The following SV2C variants were observed in gnomAD, a reference collection of about 807,000 sequenced individuals.
SV2C encodes solute carrier family 22 member B3.
SV2C carries 49 observed loss-of-function variants against 79.7 expected under a neutral mutation model. That is an observed-to-expected ratio of 0.61 (90% CI 0.49 to 0.78). The LOEUF is 0.78. SV2C is among the 30% of genes least tolerant of loss of function. The pLI is 0.00. For synonymous variants in SV2C, 334 were observed against 333.2 expected, an observed-to-expected ratio of 1.00 and a Z score of -0.03; for missense variants, 833 against 912.9, an observed-to-expected ratio of 0.91 and a Z score of 1.13.
At chr5:76,158,955 AT>A (rs1742819761) in intron 2 of SV2C, among the ~76,000 whole-genome samples, 1 of 152,042 alleles carries the variant, frequency 6.6e-6, no homozygotes, top group South Asian at 2.1e-4. Flanking sequence ...CCAGGGTGGG[AT>A]TTATCTCAGG....
At chr5:76,334,837 C>A (rs1009411615), downstream of SV2C, among the ~76,000 whole-genome samples, 2 of 152,160 alleles carry the variant, frequency 1.3e-5, no homozygotes, top group Non-Finnish European at 2.9e-5. Flanking sequence ...AGTCACCTCT[C>A]CCCCTATAGC....
the SV2C span, among the ~76,000 whole-genome samples, chr5:76,048,666 G>A: frequency 1.3e-5 from 2 of 149,772 alleles, no homozygotes. Flanking sequence ...GAGAGCATGA[G>A]AGAGAGCTAG....
At chr5:75,941,837 C>T in the SV2C span, among the ~76,000 whole-genome samples, 1 of 152,134 alleles carries the variant, frequency 6.6e-6, no homozygotes, top group African/African-American at 2.4e-5. Context: ...ATTCTCTGAC[C>T]TACCTTGTCT....
chr5:75,990,421 C>T, the SV2C span, among the ~76,000 whole-genome samples: 4 of 151,904 alleles, frequency 2.6e-5, no homozygotes, highest in African/African-American at 9.7e-5. Flanking sequence ...TGACATTTCT[C>T]CTGCATCATG....
the SV2C span, among the ~76,000 whole-genome samples, chr5:75,882,646 A>G: frequency 2.0e-5 from 3 of 152,016 alleles, no homozygotes; most frequent in Admixed American, 6.6e-5. Flanking sequence ...ACAAGCAATG[A>G]GGAAAGGATT....
At chr5:76,192,028 G>C (rs555412772) in intron 2 of SV2C, among the ~76,000 whole-genome samples, 1 of 152,222 alleles carries the variant, frequency 6.6e-6, no homozygotes, top group East Asian at 1.9e-4. Context: ...GAGAGCTCCA[G>C]CTCATCTAGC....
the SV2C span, among the ~76,000 whole-genome samples, chr5:75,934,286 C>G: frequency 8.5e-6 from 1 of 117,536 alleles, no homozygotes; most frequent in Non-Finnish European, 1.7e-5. Context: ...GTTGTTGTTT[C>G]TTTTTTTCTT....
chr5:75,870,483 T>A, the SV2C span, among the ~76,000 whole-genome samples: 9,378 of 151,090 alleles, frequency 0.062, 338 homozygotes, highest in Admixed American at 0.085. Flanking sequence ...GTAAAAAAAA[T>A]TAAAAAAAAT....
chr5:76,145,700 A>C (rs12523629), intron 2 of SV2C, among the ~76,000 whole-genome samples: 9,320 of 152,226 alleles, frequency 0.061, 771 homozygotes, highest in East Asian at 0.39. Context: ...AAGATCTTTC[A>C]GTGGGGATGG....
At position 76,198,463 on chromosome 5, in the gene SV2C, C is replaced by A. The variant is rs184481968; in HGVS notation, c.761+3364C>A. On this transcript the variant is annotated intron_variant, in intron 3 of 12. Coordinates refer to ENST00000502798, the MANE Select transcript of SV2C (RefSeq NM_014979.4). ...TGCCCTCTCTCCTGAGTGGAAGCAT[C>A]CTGAGGCCATCACCAGATGCCCAGT... 2.8e-3 allele frequency among the ~76,000 whole-genome samples: 419 copies of A among 152,240 alleles called. 6 individuals carry two copies. The highest frequency in any genetic ancestry group is 5.4e-4 in the Non-Finnish European group (37 of 68,018).
chr5:76,150,124 A>G (rs1413771203), intron 2 of SV2C, among the ~76,000 whole-genome samples: 1 of 152,208 alleles, frequency 6.6e-6, no homozygotes, highest in African/African-American at 2.4e-5. Flanking sequence ...ATAAACATGC[A>G]CACTCAAATG....
chr5:76,289,919 CT>C (rs149205029), intron 6 of SV2C, among the ~76,000 whole-genome samples: 106 of 152,222 alleles, frequency 7.0e-4, no homozygotes, highest in African/African-American at 2.3e-3. Context: ...CATTAGAGTA[CT>C]TTTTTTCGTT....
chr5:75,979,968 A>G, the SV2C span, among the ~76,000 whole-genome samples: 1 of 152,192 alleles, frequency 6.6e-6, no homozygotes, highest in Non-Finnish European at 1.5e-5. Flanking sequence ...AATAATACAT[A>G]GACTGCTATC....
At chr5:76,057,111 G>A in the SV2C span, among the ~76,000 whole-genome samples, 5 of 152,098 alleles carry the variant, frequency 3.3e-5, no homozygotes, top group South Asian at 2.1e-4. Context: ...GATCTTTTCC[G>A]CTTTCTGATG....
At chr5:75,920,786 G>A in the SV2C span, 3 of 779,818 alleles carry the variant, frequency 3.8e-6, no homozygotes, top group Non-Finnish European at 7.1e-6. Context: ...GGTGCTTGAT[G>A]ATGCACTTCA....
At chr5:75,970,017 A>T in the SV2C span, among the ~76,000 whole-genome samples, 12 of 152,076 alleles carry the variant, frequency 7.9e-5, no homozygotes, top group African/African-American at 2.7e-4. Flanking sequence ...GGATTAAGAA[A>T]CTCACTCAAA....
chr5:75,883,864 A>AAC, the SV2C span, among the ~76,000 whole-genome samples: 4 of 151,666 alleles, frequency 2.6e-5, no homozygotes, highest in African/African-American at 7.3e-5. Flanking sequence ...ACAAAAAAAA[A>AAC]ACATTTCTTT....
At chr5:75,873,960 G>A in the SV2C span, among the ~76,000 whole-genome samples, 52 of 152,124 alleles carry the variant, frequency 3.4e-4, no homozygotes, top group Non-Finnish European at 6.0e-4. Context: ...ATTCACAGCC[G>A]AATTCTACCA....
the SV2C span, among the ~76,000 whole-genome samples, chr5:76,045,089 A>T: frequency 1.3e-5 from 2 of 152,256 alleles, no homozygotes; most frequent in East Asian, 3.9e-4. Context: ...TAATTTTTGT[A>T]TAAGGTGTAA....
Sources: allele counts gnomAD v4.1 joint callset (sites outside exome capture counted in the v4.1 genomes callset), GRCh38; gene constraint gnomAD v4.1.1; transcripts MANE v1.5; gene names NCBI Gene and HGNC (gene_info 2026-07-23, HGNC 2026-07-21).